KIAA1217: variants seen among roughly 807,000 people sequenced by gnomAD.
The protein encoded by KIAA1217 is KIAA1217.
A neutral mutation model predicts 163.9 loss-of-function variants in KIAA1217; 88 were observed. The ratio of observed to expected loss-of-function variants is 0.54; its 90% CI spans 0.45 to 0.64. The LOEUF is 0.64. Among genes scored for constraint, KIAA1217 ranks in the 30% least tolerant of loss-of-function variants. The pLI is 0.00. For missense variants in KIAA1217, 2,372 were observed against 2,475.0 expected (o/e 0.96, Z 0.88); for synonymous variants, 903 against 923.1 (o/e 0.98, Z 0.39).
At chr10:23,780,895 G>A (rs1382970586) in intron 1 of KIAA1217, among the ~76,000 whole-genome samples, 1 of 152,138 alleles carries the variant, frequency 6.6e-6, no homozygotes, top group African/African-American at 2.4e-5. Context: ...TAGGTAGGCT[G>A]GTCTCGAACT....
chr10:24,327,533 C>T (rs547063556), intron 2 of KIAA1217, among the ~76,000 whole-genome samples: 2 of 152,196 alleles, frequency 1.3e-5, no homozygotes, highest in South Asian at 4.1e-4. Flanking sequence ...TTCTGTTGCC[C>T]AGGCTAGAGT....
At chr10:23,799,955 T>G (rs1836391925) in intron 1 of KIAA1217, among the ~76,000 whole-genome samples, 1 of 152,216 alleles carries the variant, frequency 6.6e-6, no homozygotes, top group Non-Finnish European at 1.5e-5. Context: ...TAAACAAGAT[T>G]AATTTGAAAG....
At chr10:23,846,373 G>A (rs9753654) in intron 1 of KIAA1217, among the ~76,000 whole-genome samples, 23 of 152,286 alleles carry the variant, frequency 1.5e-4, no homozygotes, top group South Asian at 4.1e-4. Flanking sequence ...AGCATGGAAT[G>A]TTTTTCCATA....
Position 23,960,445 on chromosome 10 carries a change from C to T in KIAA1217, c.-320-46780C>T, listed in dbSNP as rs187358687. Among the ~76,000 whole-genome samples, 276 of 151,938 alleles carry T rather than the reference C, an allele frequency of 1.8e-3. 7 individuals are homozygous for T. Among genetic ancestry groups the T allele is most frequent in the Non-Finnish European group, 2.2e-4 (15 of 67,986 alleles). On this transcript the variant is annotated intron_variant, in intron 1 of 18. Coordinates refer to the KIAA1217 transcript ENST00000376462. ...GCTAATTTTGTATTTTTAGTAGAGACGGGTTTTCTCCATGTTGGTCAGGCT... is the reference window on the plus strand; with the variant it reads ...GCTAATTTTGTATTTTTAGTAGAGATGGGTTTTCTCCATGTTGGTCAGGCT...
At chr10:24,429,532 C>T (rs2059424884) in intron 3 of KIAA1217, among the ~76,000 whole-genome samples, 1 of 152,018 alleles carries the variant, frequency 6.6e-6, no homozygotes, top group South Asian at 2.1e-4. Flanking sequence ...GGGGAGGTGG[C>T]CTCCACTTTC....
chr10:24,322,114 AATT>A (rs1261782058), intron 2 of KIAA1217, among the ~76,000 whole-genome samples: 1 of 151,846 alleles, frequency 6.6e-6, no homozygotes, highest in African/African-American at 2.4e-5. Flanking sequence ...ACACCTGACT[AATT>A]ATTATTATTA....
At chr10:24,104,015 G>C (rs2062522797) in intron 2 of KIAA1217, among the ~76,000 whole-genome samples, 2 of 152,106 alleles carry the variant, frequency 1.3e-5, no homozygotes, top group African/African-American at 4.8e-5. Context: ...ATCTTGAATT[G>C]TAGTTCCCAT....
chr10:23,974,301 A>G (rs1226887023), intron 1 of KIAA1217, among the ~76,000 whole-genome samples: 1 of 152,186 alleles, frequency 6.6e-6, no homozygotes, highest in Middle Eastern at 3.2e-3. Context: ...GCTAACAACT[A>G]TACAATACAT....
chr10:24,247,174 TTTTAA>T (rs2073915447), intron 2 of KIAA1217, among the ~76,000 whole-genome samples: 2 of 151,422 alleles, frequency 1.3e-5, no homozygotes, highest in African/African-American at 2.4e-5. Context: ...CTTTTTTAAC[TTTTAA>T]TTTAAGTTCA....
chr10:24,047,729 C>A (rs939463726), intron 2 of KIAA1217, among the ~76,000 whole-genome samples: 1 of 152,092 alleles, frequency 6.6e-6, no homozygotes, highest in Non-Finnish European at 1.5e-5. Context: ...CTTTAGATAC[C>A]TGGAGCTCAA....
chr10:23,727,708 A>C (rs1838249378), intron 1 of KIAA1217, among the ~76,000 whole-genome samples: 4 of 152,222 alleles, frequency 2.6e-5, no homozygotes, highest in Non-Finnish European at 5.9e-5. Flanking sequence ...CAGTTTTGTT[A>C]CATAAGTATA....
intron 2 of KIAA1217, among the ~76,000 whole-genome samples, chr10:24,008,307 C>T (rs772262423): frequency 1.3e-5 from 2 of 152,090 alleles, no homozygotes; most frequent in Non-Finnish European, 2.9e-5. Flanking sequence ...ATAGAAGGGC[C>T]TTCGACATCA....
At chr10:23,910,472 G>C (rs1842387841) in intron 1 of KIAA1217, among the ~76,000 whole-genome samples, 1 of 152,122 alleles carries the variant, frequency 6.6e-6, no homozygotes, top group South Asian at 2.1e-4. Flanking sequence ...GTGTACAACG[G>C]GTCCAGCTGC....
At chr10:24,101,608 C>T (rs2062418393) in intron 2 of KIAA1217, among the ~76,000 whole-genome samples, 1 of 152,086 alleles carries the variant, frequency 6.6e-6, no homozygotes, top group South Asian at 2.1e-4. Context: ...AAGCTATACT[C>T]GTCAAGGTAT....
At chr10:23,818,000 T>TATACATACATAC (rs1837406089) in intron 1 of KIAA1217, among the ~76,000 whole-genome samples, 1 of 103,228 alleles carries the variant, frequency 9.7e-6, no homozygotes, top group African/African-American at 4.2e-5. Context: ...TATATATATA[T>TATACATACATAC]ATATATATAC....
chr10:23,864,602 C>T (rs904406446), intron 1 of KIAA1217, among the ~76,000 whole-genome samples: 4 of 151,404 alleles, frequency 2.6e-5, no homozygotes, highest in African/African-American at 9.7e-5. Flanking sequence ...CTGAATTTTT[C>T]CCGTATTTGT....
intron 2 of KIAA1217, among the ~76,000 whole-genome samples, chr10:24,372,419 A>G (rs983488688): frequency 6.6e-6 from 1 of 152,156 alleles, no homozygotes; most frequent in Admixed American, 6.6e-5. Context: ...AGAGTCCTAA[A>G]GGTGTTTCCT....
At chr10:24,246,911 G>T (rs2073866850) in intron 2 of KIAA1217, among the ~76,000 whole-genome samples, 1 of 152,006 alleles carries the variant, frequency 6.6e-6, no homozygotes, top group Admixed American at 6.6e-5. Flanking sequence ...CTACTTAGGA[G>T]GCTGAGGCAG....
intron 2 of KIAA1217, among the ~76,000 whole-genome samples, chr10:24,297,178 A>T (rs2040723316): frequency 6.6e-6 from 1 of 152,206 alleles, no homozygotes; most frequent in Non-Finnish European, 1.5e-5. Flanking sequence ...ATATTGTGAA[A>T]ATTTTGGGGG....
Sources: gnomAD v4.1 joint callset for allele counts (sites outside exome capture counted in the v4.1 genomes callset) on GRCh38, gnomAD v4.1.1 for gene constraint, MANE v1.5 for transcripts, NCBI Gene and HGNC (gene_info 2026-07-23, HGNC 2026-07-21) for gene names.